MRPS35: variants seen among roughly 807,000 people sequenced by gnomAD.
MRPS35 encodes small ribosomal subunit protein mS35.
A neutral mutation model predicts 32.7 loss-of-function variants in MRPS35; 29 were observed. The ratio of observed to expected loss-of-function variants is 0.89; its 90% CI spans 0.66 to 1.21. MRPS35 has a LOEUF of 1.21. Ranked by LOEUF, MRPS35 falls within the 50% of genes most tolerant of loss-of-function variation. The pLI is 0.00. For missense variants in MRPS35, 373 were observed against 383.8 expected (o/e 0.97, Z 0.23); for synonymous variants, 148 against 139.3 (o/e 1.06, Z -0.44).
At chr12:27,744,491 T>C (rs10842972) in intron 7 of MRPS35, among the ~76,000 whole-genome samples, 107,108 of 152,102 alleles carry the variant, frequency 0.7, 38,397 homozygotes, top group African/African-American at 0.84. Flanking sequence ...TACATTACTT[T>C]GTAAGTTCTC....
intron 1 of MRPS35, among the ~76,000 whole-genome samples, chr12:27,712,603 T>G (rs1351662202): frequency 6.6e-6 from 1 of 152,176 alleles, no homozygotes; most frequent in Non-Finnish European, 1.5e-5. Flanking sequence ...TACTGATGGA[T>G]TTGATGTGGG....
At chr12:27,739,459 A>T (rs1284143471) in intron 7 of MRPS35, among the ~76,000 whole-genome samples, 1 of 152,250 alleles carries the variant, frequency 6.6e-6, no homozygotes, top group Admixed American at 6.5e-5. Context: ...CAAGAGGATG[A>T]ATGGAAAGTG....
intron 7 of MRPS35, among the ~76,000 whole-genome samples, chr12:27,751,586 TC>T (rs551400391): frequency 4.9e-4 from 75 of 152,280 alleles, no homozygotes; most frequent in African/African-American, 1.7e-3. Flanking sequence ...CAGAAGGCTC[TC>T]CCCTGCCTTC....
Position 27,737,243 on chromosome 12 carries a change from G to A in MRPS35, c.633-296G>A, listed in dbSNP as rs138449649. 2.6e-5 allele frequency among the ~76,000 whole-genome samples: 4 copies of A among 152,282 alleles called. No homozygotes were observed. In the East Asian group the frequency reaches 7.7e-4, roughly 29 times the overall value. On this transcript the variant is annotated intron_variant, in intron 6 of 7. Transcript: ENST00000081029. ...ATTCTTAGCACTGAGATGGTGAAGG[G>A]AACTTATATTGGACACAATCCTAGT...
intron 3 of MRPS35, among the ~76,000 whole-genome samples, chr12:27,717,614 G>A (rs2061856085): frequency 6.6e-6 from 1 of 152,186 alleles, no homozygotes; most frequent in South Asian, 2.1e-4. Flanking sequence ...GGAGACAGGG[G>A]TAAATGAAAT....
rs1565468140 is a variant in MRPS35 at position 27,733,038 on chromosome 12, A to ATATCTATC, written c.523-2405_523-2404insTATCTATC. 1.2e-4 allele frequency among the ~76,000 whole-genome samples: 9 copies of ATATCTATC among 76,122 alleles called. 1 individual carries two copies. Among genetic ancestry groups the ATATCTATC allele is most frequent in the South Asian group, 4.5e-4 (1 of 2,198 alleles). 49.9% of individuals were successfully genotyped at this position (76,122 alleles called of 152,430 possible). On this transcript the variant is annotated intron_variant, in intron 5 of 7. Coordinates refer to ENST00000081029, the MANE Select transcript of MRPS35 (RefSeq NM_021821.4). ...TATATATATATATATATATATATAT[A>ATATCTATC]TATCCAGCACCTCCTGTGATTTGAA...
intron 7 of MRPS35, among the ~76,000 whole-genome samples, chr12:27,754,664 G>A (rs1209022064): frequency 6.6e-6 from 1 of 151,476 alleles, no homozygotes; most frequent in East Asian, 1.9e-4. Context: ...CTACTCAGGA[G>A]CCTGAGGTGG....
intron 7 of MRPS35, among the ~76,000 whole-genome samples, chr12:27,745,844 C>T (rs1168640757): frequency 6.6e-6 from 1 of 151,900 alleles, no homozygotes; most frequent in Non-Finnish European, 1.5e-5. Context: ...CAATAGTTTG[C>T]TGAGAATGAT....
rs370001683 is a variant in MRPS35, at chr12:27,719,815, A to T, written c.329A>T (p.Asn110Ile). Residue 110 changes from asparagine to isoleucine, a missense_variant, in exon 4 of 8, where the codon AAT becomes ATT. Asn to Ile is a moderately radical substitution (Grantham distance 149, BLOSUM62 -3). Transcript: ENST00000081029. ...TAAATTTCTCTATTTAAGATTCCCAATTTTCTGCATTTGACTCCTGTAGCA... is the reference window on the plus strand; with the variant it reads ...TAAATTTCTCTATTTAAGATTCCCATTTTTCTGCATTTGACTCCTGTAGCA... ...EGNLELLKIP[N>I]FLHLTPVAIK... The T allele has an allele frequency of 1.4e-5, 23 of 1,601,534 alleles. No homozygotes were observed. Among genetic ancestry groups the T allele is most frequent in the Non-Finnish European group, 1.9e-5 (22 of 1,170,472 alleles).
At chr12:27,739,752 A>T (rs1236476389) in intron 7 of MRPS35, among the ~76,000 whole-genome samples, 1 of 152,238 alleles carries the variant, frequency 6.6e-6, no homozygotes, top group Non-Finnish European at 1.5e-5. Flanking sequence ...CAATAAATAC[A>T]ACCCGTTTTG....
Position 27,710,855 on chromosome 12 carries a change from C to T in MRPS35, c.12C>T (p.Ala4=), listed in dbSNP as rs2061815760. Residue 4 remains alanine (A), a synonymous_variant, in exon 1 of 8, where the codon GCC becomes GCT. Transcript: ENST00000081029. MAA[A]ALPAWLSLQS... ...CCGTCCTCGCAGCCATGGCGGCCGC[C>T]GCGCTCCCAGCATGGCTGTCTCTGC... 1.2e-6 allele frequency: 2 copies of T among 1,607,386 alleles called. No individual in the cohort carries two copies. The highest frequency in any genetic ancestry group is 1.7e-6 in the Non-Finnish European group (2 of 1,179,574).
chr12:27,751,132 GAAAAGA>G (rs2062001507), intron 7 of MRPS35, among the ~76,000 whole-genome samples: 2 of 122,306 alleles, frequency 1.6e-5, no homozygotes, highest in South Asian at 5.3e-4. Context: ...AAAAAGAAAA[GAAAAGA>G]AAAAGGAAAA....
At chr12:27,751,165 A>G (rs1210526376) in intron 7 of MRPS35, among the ~76,000 whole-genome samples, 3 of 151,570 alleles carry the variant, frequency 2.0e-5, no homozygotes, top group Non-Finnish European at 4.4e-5. Context: ...AGAAAATGTG[A>G]ATTTTGTTTA....
intron 5 of MRPS35, among the ~76,000 whole-genome samples, chr12:27,728,784 A>T (rs1382232198): frequency 6.6e-6 from 1 of 152,070 alleles, no homozygotes; most frequent in Non-Finnish European, 1.5e-5. Flanking sequence ...TATCTTCTGA[A>T]TTTGCCCCAT....
Position 27,735,407 on chromosome 12 carries a change from T to C in MRPS35, c.523-40T>C, listed in dbSNP as rs780622605. On this transcript the variant is annotated intron_variant, in intron 5 of 7. Transcript: ENST00000081029. ...CTACCTTTTTTTCACTAAACAATTATATGAAATTATTTTTTCAAATAACTT... is the reference window on the plus strand; with the variant it reads ...CTACCTTTTTTTCACTAAACAATTACATGAAATTATTTTTTCAAATAACTT... The C allele has an allele frequency of 5.6e-6, 8 of 1,427,926 alleles. No homozygotes were observed. The African/African-American group carries it at 8.7e-5, about 16-fold the overall frequency. The allele number at this position is 1,427,926 out of a possible 1,614,324, so 88.5% of individuals were successfully genotyped here. A position where few individuals can be genotyped will look rare whatever the true frequency, so the allele number is the denominator to read the frequency against.
Position 27,755,422 on chromosome 12 carries a change from C to T in MRPS35, c.944C>T (p.Ser315Phe), listed in dbSNP as rs755302293. Residue 315 changes from serine (S) to phenylalanine (F), a missense_variant, in exon 8 of 8, where the codon TCC becomes TTC. Ser to Phe is a radical substitution (Grantham distance 155). Coordinates refer to ENST00000081029, the MANE Select transcript of MRPS35 (RefSeq NM_021821.4). ...NENSISQYKESVKRLLNVT is the reference protein window; with the variant it reads ...NENSISQYKEFVKRLLNVT ...AATTCCATTTCTCAGTACAAAGAAT[C>T]CGTGAAGAGACTATTAAATGTGACA... 4.4e-6 allele frequency: 7 copies of T among 1,578,968 alleles called. No individual in the cohort carries two copies. In the South Asian group the frequency reaches 8.5e-5, roughly 19 times the overall value.
intron 3 of MRPS35, among the ~76,000 whole-genome samples, chr12:27,718,214 C>G (rs1415320596): frequency 6.6e-6 from 1 of 152,122 alleles, no homozygotes; most frequent in African/African-American, 2.4e-5. Context: ...CACTTGAAGT[C>G]AGGAGTTGGA....
intron 3 of MRPS35, among the ~76,000 whole-genome samples, chr12:27,719,462 C>T (rs539760991): frequency 1.3e-5 from 2 of 151,746 alleles, no homozygotes; most frequent in South Asian, 2.1e-4. Flanking sequence ...GTCAGGAGAT[C>T]GAGACCATCC....
At chr12:27,745,431 G>A (rs2140780271) in intron 7 of MRPS35, among the ~76,000 whole-genome samples, 1 of 152,252 alleles carries the variant, frequency 6.6e-6, no homozygotes, top group South Asian at 2.1e-4. Flanking sequence ...AAAATGTTAT[G>A]AAATAAGAGA....
Sources: allele counts gnomAD v4.1 joint callset (sites outside exome capture counted in the v4.1 genomes callset), GRCh38; gene constraint gnomAD v4.1.1; transcripts MANE v1.5; gene names NCBI Gene and HGNC (gene_info 2026-07-23, HGNC 2026-07-21).